Variants in ABCC1 observed in about 807,000 individuals in gnomAD.
ABCC1 encodes the protein ATP binding cassette subfamily C member 1 (ABCC1 blood group).
Under a neutral mutation model 172.9 loss-of-function variants are expected in ABCC1, and 83 were observed. The ratio of observed to expected loss-of-function variants is 0.48; its 90% CI spans 0.40 to 0.58. The LOEUF is 0.58. Among genes scored for constraint, ABCC1 ranks in the 20% least tolerant of loss-of-function variants. ABCC1 has a pLI of 0.00. For missense variants in ABCC1, 1,817 were observed against 2,002.7 expected, an observed-to-expected ratio of 0.91 and a Z score of 1.77; for synonymous variants, 937 against 825.2, an observed-to-expected ratio of 1.14 and a Z score of -2.32.
intron 19 of ABCC1, among the ~76,000 whole-genome samples, chr16:16,097,360 G>T (rs1284370735): frequency 6.6e-6 from 1 of 152,258 alleles, no homozygotes; most frequent in Non-Finnish European, 1.5e-5. Flanking sequence ...TGATCCACCC[G>T]CCTCAGCCTC....
intron 1 of ABCC1, among the ~76,000 whole-genome samples, chr16:15,985,440 CTTTTTCTTTTT>C (rs750179468): frequency 2.6e-5 from 4 of 151,916 alleles, no homozygotes; most frequent in Non-Finnish European, 4.4e-5. Context: ...CTATTGGTTT[CTTTTTCTTTTT>C]TTTTTCTTTT....
Position 16,068,287 on chromosome 16 carries a change from C to T in ABCC1, c.1809C>T (p.Ile603=). 3 of 1,614,146 alleles carry T rather than the reference C, an allele frequency of 1.9e-6. No individual in the cohort carries two copies. The highest frequency in any genetic ancestry group is 1.1e-5 in the South Asian group (1 of 91,082). The part of the protein sequence containing the change: ...RFPLNILPMV[I]SSIVQASVSL... The stretch of plus-strand genomic sequence containing the variant: ...CCCTGAACATTCTCCCCATGGTCAT[C>T]AGCAGCATCGTGCAGGTACAGGGGG... Residue 603 remains isoleucine, a synonymous_variant, in exon 13 of 31, where the codon ATC becomes ATT. Coordinates refer to ENST00000399410, the MANE Select transcript of ABCC1 (RefSeq NM_004996.4).
chr16:16,042,611 G>C (rs55920599), intron 7 of ABCC1, among the ~76,000 whole-genome samples: 2,906 of 151,882 alleles, frequency 0.019, 101 homozygotes, highest in African/African-American at 0.065. Flanking sequence ...GCTGAGGCAG[G>C]AGAATCGCTT....
rs1555497628 is a variant in ABCC1 at position 16,094,001 on chromosome 16, T to TA, written c.2644+3415dup. The stretch of plus-strand genomic sequence containing the variant: ...CTCCTTTTTTTTTTTTTTTTTTTTT[T>TA]AACTTTTAATGGCATTCCTTTTATT... On this transcript the variant is annotated intron_variant, in intron 19 of 30. Transcript: ENST00000399410. 9.6e-4 allele frequency among the ~76,000 whole-genome samples: 116 copies of TA among 120,610 alleles called. 1 individual carries two copies. Among genetic ancestry groups the TA allele is most frequent in the African/African-American group, 3.4e-3 (115 of 33,438 alleles). The allele number at this position is 120,610 out of a possible 152,430, so 79.1% of individuals were successfully genotyped here.
intron 1 of ABCC1, among the ~76,000 whole-genome samples, chr16:15,997,805 C>CTTTTTTTT (rs34346901): frequency 2.6e-5 from 3 of 116,816 alleles, no homozygotes; most frequent in Non-Finnish European, 5.3e-5. Flanking sequence ...GCCTCGATAC[C>CTTTTTTTT]TTTTTTTTTT....
intron 20 of ABCC1, 40 bp from the exon 21 acceptor site, chr16:16,106,698 G>T (rs371207597): frequency 6.2e-7 from 1 of 1,612,486 alleles, no homozygotes; most frequent in Non-Finnish European, 8.5e-7. Context: ...CCTGCCCAAG[G>T]CATCTGTACG....
At chr16:16,075,882 G>C (rs1348086842) in intron 14 of ABCC1, among the ~76,000 whole-genome samples, 1 of 152,174 alleles carries the variant, frequency 6.6e-6, no homozygotes, top group Non-Finnish European at 1.5e-5. Context: ...CCAGCGGTCT[G>C]ATGCTGGCCA....
intron 20 of ABCC1, among the ~76,000 whole-genome samples, chr16:16,106,200 G>A (rs934271499): frequency 2.6e-5 from 4 of 152,042 alleles, no homozygotes; most frequent in South Asian, 2.1e-4. Context: ...TGAGTAACAC[G>A]CTTGCATGAA....
chr16:16,104,381 A>C (rs927556640), intron 20 of ABCC1, among the ~76,000 whole-genome samples: 1 of 152,158 alleles, frequency 6.6e-6, no homozygotes, highest in African/African-American at 2.4e-5. Context: ...GTGTGTTTAC[A>C]ACCCCTGAGC....
At chr16:15,978,970 A>G (rs539373165) in intron 1 of ABCC1, among the ~76,000 whole-genome samples, 56 of 152,276 alleles carry the variant, frequency 3.7e-4, no homozygotes, top group African/African-American at 1.3e-3. Flanking sequence ...CAAGCAACAT[A>G]TTAATAGCAA....
rs377537261 is a variant in ABCC1 at position 16,024,173 on chromosome 16, C to T, written c.615+7552C>T. Reference sequence around the variant, plus strand: ...GGCGGAGGTTGCAGTGCGCCGAGATCGCGCCACTGTACTCCAGTCTGGGCG... The same window carrying T: ...GGCGGAGGTTGCAGTGCGCCGAGATTGCGCCACTGTACTCCAGTCTGGGCG... On this transcript the variant is annotated intron_variant, in intron 5 of 30. Coordinates refer to ENST00000399410, the MANE Select transcript of ABCC1 (RefSeq NM_004996.4). Among the ~76,000 whole-genome samples the T allele has an allele frequency of 1.2e-4, 19 of 152,174 alleles. 2 individuals are homozygous for T. The East Asian group carries it at 2.1e-3, about 17-fold the overall frequency.
chr16:16,064,952 G>T (rs2050058677), intron 12 of ABCC1, among the ~76,000 whole-genome samples: 1 of 152,248 alleles, frequency 6.6e-6, no homozygotes, highest in South Asian at 2.1e-4. Flanking sequence ...TTTGGAATAA[G>T]GGCGGCTTGC....
chr16:15,991,246 T>A (rs532108101), intron 1 of ABCC1, among the ~76,000 whole-genome samples: 1 of 151,896 alleles, frequency 6.6e-6, no homozygotes, highest in Non-Finnish European at 1.5e-5. Flanking sequence ...TAGGGCCACC[T>A]GTGCCTCTAA....
At chr16:16,139,896 T>C (rs1185479607) in intron 30 of ABCC1, among the ~76,000 whole-genome samples, 2 of 152,220 alleles carry the variant, frequency 1.3e-5, no homozygotes, top group Non-Finnish European at 2.9e-5. Context: ...AACCTTGTTC[T>C]TAAGGGCCGG....
chr16:16,111,619 C>A, intron 22 of ABCC1, 37 bp downstream of exon 22: 9 of 1,575,518 alleles, frequency 5.7e-6, no homozygotes, highest in Non-Finnish European at 7.8e-6. Context: ...CTGATTTGGG[C>A]CCCTGTTGTG....
chr16:16,108,434 C>A (rs988321322), intron 21 of ABCC1, among the ~76,000 whole-genome samples: 3 of 141,228 alleles, frequency 2.1e-5, no homozygotes, highest in Non-Finnish European at 3.1e-5. Context: ...CCATGCCTAG[C>A]TAATTTTTGT....
At position 16,083,525 on chromosome 16, in the gene ABCC1, A is replaced by G; in HGVS notation, c.2275A>G (p.Thr759Ala). 6.2e-7 allele frequency: 1 copy of G among 1,613,200 alleles called. No homozygotes were observed. The highest frequency in any genetic ancestry group is 8.5e-7 in the Non-Finnish European group (1 of 1,179,658). The change falls in exon 17 of 31, where the codon ACA (threonine) becomes GCA (alanine). Residue 759 changes from threonine to alanine, a missense_variant. Physicochemically the swap from Thr to Ala is moderately conservative, Grantham distance 58 (BLOSUM62 0). Coordinates refer to ENST00000399410, the MANE Select transcript of ABCC1 (RefSeq NM_004996.4). ...GGAAATCCTGCCCAGTGGGGATCGG[A>G]CAGAGATTGGCGAGAAGGTCAGTAT... ...DLEILPSGDRTEIGEKGVNLS... is the reference protein window; with the variant it reads ...DLEILPSGDRAEIGEKGVNLS...
chr16:16,038,776 G>A (rs2048853126), intron 7 of ABCC1, among the ~76,000 whole-genome samples: 1 of 152,168 alleles, frequency 6.6e-6, no homozygotes, highest in African/African-American at 2.4e-5. Context: ...TGTAGTGTGG[G>A]CTTCAGCATT....
rs750814520 is a variant in ABCC1 at position 16,106,824 on chromosome 16, A to G, written c.2822A>G (p.Lys941Arg). 1.2e-5 allele frequency: 20 copies of G among 1,614,068 alleles called. No individual in the cohort carries two copies. Among genetic ancestry groups the G allele is most frequent in the African/African-American group, 4.0e-5 (3 of 74,938 alleles). The change falls in exon 21 of 31, where the codon AAG (lysine) becomes AGG (arginine). Residue 941 changes from lysine to arginine, a missense_variant. Transcript: ENST00000399410. Reference protein sequence around the residue: ...TAELQKAEAKKEETWKLMEAD... With the variant: ...TAELQKAEAKREETWKLMEAD... ...GAACTGCAGAAAGCTGAGGCCAAGA[A>G]GGAGGAGACCTGGAAGCTGATGGAG... is the stretch of plus-strand genomic sequence containing the variant.
Sources: allele counts gnomAD v4.1 joint callset (sites outside exome capture counted in the v4.1 genomes callset), GRCh38; gene constraint gnomAD v4.1.1; transcripts MANE v1.5; gene names NCBI Gene and HGNC (gene_info 2026-07-23, HGNC 2026-07-21).